EFCAB6: variants seen among roughly 807,000 people sequenced by gnomAD.
EFCAB6 encodes the protein EF-hand calcium-binding domain-containing protein 6.
A neutral mutation model predicts 169.8 loss-of-function variants in EFCAB6; 156 were observed. The observed-to-expected ratio is 0.92, with a 90% CI of 0.81 to 1.05. The LOEUF is 1.05. Among genes scored for constraint, EFCAB6 ranks in the 50% least tolerant of loss-of-function variants. The pLI is 0.00. For synonymous variants in EFCAB6, 698 were observed against 676.4 expected, an observed-to-expected ratio of 1.03 and a Z score of -0.50; for missense variants, 1,800 against 1,829.1, an observed-to-expected ratio of 0.98 and a Z score of 0.29.
intron 17 of EFCAB6, among the ~76,000 whole-genome samples, chr22:43,638,350 TC>T (rs373342085): frequency 1.2e-4 from 18 of 152,310 alleles, no homozygotes; most frequent in East Asian, 5.8e-4. Flanking sequence ...TAGGAGGCAT[TC>T]CCCTAAGAAA....
chr22:43,568,727 A>G (rs976825496), intron 26 of EFCAB6, among the ~76,000 whole-genome samples: 1 of 152,142 alleles, frequency 6.6e-6, no homozygotes, highest in Non-Finnish European at 1.5e-5. Flanking sequence ...TGTGCTGCAT[A>G]GGGCTGGGGC....
chr22:43,656,630 C>T (rs144518742), intron 17 of EFCAB6, among the ~76,000 whole-genome samples: 188 of 152,286 alleles, frequency 1.2e-3, no homozygotes, highest in African/African-American at 4.0e-3. Flanking sequence ...CTACACTGTG[C>T]GGTATAATAC....
intron 27 of EFCAB6, among the ~76,000 whole-genome samples, chr22:43,545,819 T>G (rs980125453): frequency 6.6e-6 from 1 of 152,212 alleles, no homozygotes; most frequent in African/African-American, 2.4e-5. Context: ...TGGCAGCATC[T>G]TTGGCACTTG....
chr22:43,555,433 C>G (rs2048646734), intron 26 of EFCAB6, among the ~76,000 whole-genome samples: 1 of 152,172 alleles, frequency 6.6e-6, no homozygotes, highest in Non-Finnish European at 1.5e-5. Context: ...TCTTTGGGAT[C>G]GATTAACAAA....
At chr22:43,591,387 G>T (rs2051537679) in intron 23 of EFCAB6, among the ~76,000 whole-genome samples, 1 of 150,924 alleles carries the variant, frequency 6.6e-6, no homozygotes, top group Non-Finnish European at 1.5e-5. Flanking sequence ...AACCCGGGAG[G>T]CAGAGGTTGC....
intron 18 of EFCAB6, among the ~76,000 whole-genome samples, chr22:43,634,117 C>T (rs932581053): frequency 8.5e-5 from 13 of 152,196 alleles, no homozygotes; most frequent in Middle Eastern, 3.4e-3. Context: ...AGCACTGGGA[C>T]GTGGGGCAAG....
In EFCAB6 at chr22:43,773,076, G is replaced by A. The variant is rs2061528816; in HGVS notation, c.167C>T (p.Ser56Phe). 6.2e-7 allele frequency: 1 copy of A among 1,614,044 alleles called. No homozygotes were observed. Among genetic ancestry groups the A allele is most frequent in the Admixed American group, 1.7e-5 (1 of 60,000 alleles). ...TAAAATCCGTTTAACATCTAAGGAG[G>A]ACAGTGTTGGATTTGCAACAGCTGT... is the stretch of plus-strand genomic sequence containing the variant. ...STTAVANPTL[S>F]SLDVKRILFQ... Residue 56 changes from serine (S) to phenylalanine (F), a missense_variant, in exon 4 of 32, where the codon TCC becomes TTC. Physicochemically the swap from Ser to Phe is radical, Grantham distance 155. Coordinates refer to ENST00000262726, the MANE Select transcript of EFCAB6 (RefSeq NM_022785.4).
intron 17 of EFCAB6, among the ~76,000 whole-genome samples, chr22:43,657,064 C>T (rs1386229658): frequency 6.6e-6 from 1 of 152,028 alleles, no homozygotes; most frequent in Non-Finnish European, 1.5e-5. Context: ...CTGAGGCAGG[C>T]AGATCCTTTG....
chr22:43,591,196 G>A (rs376584978), intron 23 of EFCAB6, among the ~76,000 whole-genome samples: 1 of 148,946 alleles, frequency 6.7e-6, no homozygotes, highest in African/African-American at 2.5e-5. Flanking sequence ...GGTGGCTCAC[G>A]CCCACAATCC....
chr22:43,632,428 T>C (rs2055044085), intron 18 of EFCAB6, among the ~76,000 whole-genome samples, 190 bp from the exon 19 acceptor site: 1 of 151,586 alleles, frequency 6.6e-6, no homozygotes, highest in South Asian at 2.1e-4. Flanking sequence ...GCCTCCTGAG[T>C]AGCTGGGATT....
chr22:43,598,485 T>G (rs913083907), intron 23 of EFCAB6, among the ~76,000 whole-genome samples: 4 of 151,812 alleles, frequency 2.6e-5, no homozygotes, highest in African/African-American at 9.7e-5. Context: ...AGGAATAAAT[T>G]TTAGTATTTG....
chr22:43,794,685 C>CCA (rs1352836163), intron 2 of EFCAB6, among the ~76,000 whole-genome samples: 1 of 152,152 alleles, frequency 6.6e-6, no homozygotes, highest in Non-Finnish European at 1.5e-5. Flanking sequence ...TAAAAGCAAG[C>CCA]CATCTACATA....
At chr22:43,666,324 T>C (rs939436460) in intron 17 of EFCAB6, among the ~76,000 whole-genome samples, 2 of 152,192 alleles carry the variant, frequency 1.3e-5, no homozygotes, top group Non-Finnish European at 2.9e-5. Flanking sequence ...TCCTCCATGA[T>C]GCTGCATTCT....
At chr22:43,784,571 G>GTATA (rs1172964109) in intron 2 of EFCAB6, among the ~76,000 whole-genome samples, 31 of 62,676 alleles carry the variant, frequency 4.9e-4, no homozygotes, top group African/African-American at 1.3e-3. Context: ...ATATATATGT[G>GTATA]TACATATACA....
intron 2 of EFCAB6, among the ~76,000 whole-genome samples, chr22:43,787,108 T>C (rs1026708992): frequency 6.6e-6 from 1 of 152,166 alleles, no homozygotes; most frequent in African/African-American, 2.4e-5. Flanking sequence ...GGTAATGTCA[T>C]ATTTAATGGT....
intron 17 of EFCAB6, among the ~76,000 whole-genome samples, chr22:43,636,381 C>T (rs1007601375): frequency 6.6e-6 from 1 of 152,156 alleles, no homozygotes; most frequent in Admixed American, 6.5e-5. Context: ...TCGCCCTCAT[C>T]ATGGTCACTG....
At chr22:43,733,954 G>C (rs1161513694) in intron 7 of EFCAB6, among the ~76,000 whole-genome samples, 3 of 152,124 alleles carry the variant, frequency 2.0e-5, no homozygotes, top group African/African-American at 7.2e-5. Flanking sequence ...TGATCCGCCT[G>C]CCTCAGCATC....
At chr22:43,762,189 C>T (rs1180310451) in intron 5 of EFCAB6, among the ~76,000 whole-genome samples, 1 of 152,148 alleles carries the variant, frequency 6.6e-6, no homozygotes, top group African/African-American at 2.4e-5. Context: ...TCACTCAGCA[C>T]CAGTGTTGAA....
At chr22:43,802,365 C>T (rs1284596816) in intron 2 of EFCAB6, among the ~76,000 whole-genome samples, 2 of 152,016 alleles carry the variant, frequency 1.3e-5, no homozygotes, top group South Asian at 2.1e-4. Context: ...CCTATCTCTA[C>T]TAAAACTATG....
Sources: allele counts gnomAD v4.1 joint callset (sites outside exome capture counted in the v4.1 genomes callset), GRCh38; gene constraint gnomAD v4.1.1; transcripts MANE v1.5; gene names NCBI Gene and HGNC (gene_info 2026-07-23, HGNC 2026-07-21).